The following MPP4 variants were observed in gnomAD, a reference collection of about 807,000 sequenced individuals.
The protein encoded by MPP4 is MAGUK p55 subfamily member 4.
A neutral mutation model predicts 98.3 loss-of-function variants in MPP4; 91 were observed. The observed-to-expected ratio is 0.93, with a 90% CI of 0.78 to 1.10. The LOEUF (loss-of-function observed/expected upper bound fraction) is 1.10. MPP4 is among the 50% of genes least tolerant of loss of function. The pLI, the probability that MPP4 is intolerant of heterozygous loss-of-function variation, is 0.00. For missense variants in MPP4, 744 were observed against 792.9 expected (o/e 0.94, Z 0.74); for synonymous variants, 261 against 271.8 (o/e 0.96, Z 0.39).
intron 1 of MPP4, 87 bp downstream of exon 1, chr2:201,698,500 T>C: frequency 8.0e-6 from 8 of 1,001,836 alleles, no homozygotes; most frequent in Non-Finnish European, 1.1e-5. Flanking sequence ...CAGATTTATA[T>C]CTTTAGCTAT....
chr2:201,693,052 A>G, intron 2 of MPP4, 23 bp from the exon 3 acceptor site: 1 of 1,603,964 alleles, frequency 6.2e-7, no homozygotes, highest in African/African-American at 1.3e-5. Context: ...GAGAGCAGAG[A>G]TGGGGTGGCA....
intron 15 of MPP4, among the ~76,000 whole-genome samples, chr2:201,659,068 G>T (rs1419458672): frequency 6.6e-6 from 1 of 151,916 alleles, no homozygotes. Context: ...GCTAATTTTT[G>T]TATTTTTAGT....
At chr2:201,657,658 A>G (rs2105917274) in intron 16 of MPP4, among the ~76,000 whole-genome samples, 1 of 140,186 alleles carries the variant, frequency 7.1e-6, no homozygotes, top group East Asian at 2.2e-4. Flanking sequence ...TGTGCAAGAT[A>G]GGGGACAGAC....
At chr2:201,674,999 C>T (rs1574622273) in intron 11 of MPP4, 5 of 684,496 alleles carry the variant, frequency 7.3e-6, no homozygotes, top group South Asian at 4.6e-5. Flanking sequence ...GTAGCAAGTG[C>T]CCACTGAATA....
At chr2:201,646,641 A>C (rs1356521446) in intron 21 of MPP4, 1 of 152,228 alleles carries the variant, frequency 6.6e-6, no homozygotes, top group Non-Finnish European at 1.5e-5. Flanking sequence ...GCAAACTGGA[A>C]AATCAGACCT....
intron 2 of MPP4, among the ~76,000 whole-genome samples, chr2:201,693,616 T>C (rs1454966277): frequency 6.6e-6 from 1 of 152,228 alleles, no homozygotes; most frequent in Non-Finnish European, 1.5e-5. Context: ...TGTGAACAAC[T>C]TAAGAAGTTC....
chr2:201,645,923 G>A (rs1687548590), intron 21 of MPP4, among the ~76,000 whole-genome samples: 1 of 152,152 alleles, frequency 6.6e-6, no homozygotes, highest in South Asian at 2.1e-4. Flanking sequence ...TCCACAGTAT[G>A]TCATCCTTTA....
At position 201,647,740 on chromosome 2, in the gene MPP4, C is replaced by T. The variant is rs374070488; in HGVS notation, c.1670G>A (p.Arg557Gln). The change falls in exon 21 of 22, where the codon CGG becomes CAG. Residue 557 changes from arginine to glutamine, a missense_variant. Physicochemically the swap from Arg to Gln is conservative, Grantham distance 43 (BLOSUM62 1). Transcript: ENST00000409474. ...GTCAGTAATAACCTTGGCATTTTTC[C>T]GAGATTGTTTCATACACCTCATATT... ...PSNMRCMKQS[R>Q]KNAKVITDYY... is the part of the protein sequence containing the mutation. 3.5e-5 allele frequency: 57 copies of T among 1,613,756 alleles called. No homozygotes were observed. In the African/African-American group the frequency reaches 4.1e-4, roughly 12 times the overall value.
At chr2:201,694,180 A>G (rs1689113130) in intron 1 of MPP4, 126 bp from the exon 2 acceptor site, 2 of 871,180 alleles carry the variant, frequency 2.3e-6, no homozygotes, top group African/African-American at 1.7e-5. Context: ...AGTGGCGTGA[A>G]AGAGAAAACG....
At chr2:201,657,856 T>G (rs909910870) in intron 16 of MPP4, among the ~76,000 whole-genome samples, 1 of 152,052 alleles carries the variant, frequency 6.6e-6, no homozygotes, top group African/African-American at 2.4e-5. Flanking sequence ...CTCATGCTCC[T>G]TACTCTCCAC....
At position 201,675,302 on chromosome 2, in the gene MPP4, A is replaced by G; in HGVS notation, c.930-31T>C. On this transcript the variant is annotated intron_variant, in intron 10 of 21. Coordinates refer to ENST00000409474, the MANE Select transcript of MPP4 (RefSeq NM_033066.3). Reference sequence around the variant, plus strand: ...GGGGGGAAAAAACCATGCGACAAAAAACAAACAAAAACCACTCTTTGTTAA... The same window carrying G: ...GGGGGGAAAAAACCATGCGACAAAAGACAAACAAAAACCACTCTTTGTTAA... 1.9e-6 allele frequency: 3 copies of G among 1,585,456 alleles called. No individual in the cohort carries two copies. In the South Asian group the frequency reaches 3.5e-5, roughly 18 times the overall value.
chr2:201,685,877 T>C (rs767663351), intron 6 of MPP4, 42 bp downstream of exon 6: 64 of 1,598,608 alleles, frequency 4.0e-5, no homozygotes, highest in Admixed American at 3.4e-5. Flanking sequence ...ACAATTAACC[T>C]AAGCTTACCC....
chr2:201,657,966 T>G (rs558997877), intron 16 of MPP4, among the ~76,000 whole-genome samples: 12 of 146,062 alleles, frequency 8.2e-5, no homozygotes, highest in South Asian at 2.1e-4. Flanking sequence ...TTTTTTTTTT[T>G]TTGTTTTTTT....
chr2:201,685,948 C>T lies in MPP4; in HGVS notation c.463G>A (p.Val155Ile). The change falls in exon 6 of 22, where the codon GTT becomes ATT. Residue 155 changes from valine to isoleucine, a missense_variant. Physicochemically the swap from Val to Ile is conservative, Grantham distance 29. Transcript: ENST00000409474. ...IPESEEAMRI[V>I]CLVKNQQPLG... ...GGCTGTTGGTTTTTCACTAAACAAA[C>T]AATCCTCATTGCTTCCTCACTCTCA... The T allele has an allele frequency of 6.2e-7, 1 of 1,612,330 alleles. No homozygotes were observed. The highest frequency in any genetic ancestry group is 8.5e-7 in the Non-Finnish European group (1 of 1,178,616).
chr2:201,667,099 TAA>T, intron 12 of MPP4, among the ~76,000 whole-genome samples: 1 of 152,300 alleles, frequency 6.6e-6, no homozygotes, highest in East Asian at 1.9e-4. Flanking sequence ...AAGTACTCAA[TAA>T]ATGTGAATTA....
intron 10 of MPP4, 38 bp downstream of exon 10, chr2:201,680,800 G>T: frequency 6.4e-7 from 1 of 1,556,472 alleles, no homozygotes; most frequent in South Asian, 1.2e-5. Context: ...GTTTCCTGAT[G>T]GTTCAGCCCT....
At position 201,645,370 on chromosome 2, in the gene MPP4, T is replaced by C; in HGVS notation, c.1754A>G (p.Gln585Arg). The C allele has an allele frequency of 6.2e-7, 1 of 1,614,040 alleles. No individual in the cohort carries two copies. Among genetic ancestry groups the C allele is most frequent in the Non-Finnish European group, 8.5e-7 (1 of 1,179,886 alleles). ...TTGGCCAAACTGAGTTTCCATTCTT[T>C]GGGCTAAATTTTCCATCTCTTGTAG... ...EDLQEMENLAQRMETQFGQFF... is the reference protein window; with the variant it reads ...EDLQEMENLARRMETQFGQFF... The change falls in exon 22 of 22, where the codon CAA becomes CGA. Residue 585 changes from glutamine to arginine, a missense_variant. Coordinates refer to ENST00000409474, the MANE Select transcript of MPP4 (RefSeq NM_033066.3).
intron 14 of MPP4, among the ~76,000 whole-genome samples, chr2:201,661,088 T>C (rs996733860): frequency 1.3e-5 from 2 of 152,056 alleles, no homozygotes; most frequent in Non-Finnish European, 2.9e-5. Flanking sequence ...GCCTGGCTAA[T>C]TTTTGTATTT....
intron 18 of MPP4, chr2:201,650,678 C>T (rs1003610496): frequency 3.3e-5 from 33 of 985,102 alleles, no homozygotes; most frequent in Middle Eastern, 5.2e-4. Context: ...TTAGAACCTA[C>T]GTGTTCTGAC....
Sources: allele counts gnomAD v4.1 joint callset (sites outside exome capture counted in the v4.1 genomes callset), GRCh38; gene constraint gnomAD v4.1.1; transcripts MANE v1.5; gene names NCBI Gene and HGNC (gene_info 2026-07-23, HGNC 2026-07-21).